The following LYPLAL1 variants were observed in gnomAD, a reference collection of about 807,000 sequenced individuals.
LYPLAL1 encodes the protein lysophospholipase like 1, also known as lysophospholipase-like protein 1.
In LYPLAL1, 23 loss-of-function variants were observed where a neutral mutation model predicts 19.7. The observed-to-expected ratio is 1.17, with a 90% CI of 0.84 to 1.65. LYPLAL1 has a LOEUF of 1.65. LYPLAL1 is among the 40% of genes most tolerant of loss of function. The probability of loss-of-function intolerance (pLI) is 0.00; values close to 1 mark genes in which losing one functional copy is unlikely to be tolerated. For missense variants in LYPLAL1, 355 were observed against 279.4 expected (o/e 1.27, Z -1.93); for synonymous variants, 119 against 96.3 (o/e 1.24, Z -1.38).
At chr1:219,435,234 T>C in the LYPLAL1 span, 38,775 of 152,074 alleles carry the variant, frequency 0.25, 5,098 homozygotes, top group Non-Finnish European at 0.28. Context: ...TAAAGAGATT[T>C]AAAAACTAAG....
At chr1:219,314,028 T>C in the LYPLAL1 span, among the ~76,000 whole-genome samples, 1 of 152,252 alleles carries the variant, frequency 6.6e-6, no homozygotes, top group Admixed American at 6.5e-5. Flanking sequence ...CTTCTTTGTG[T>C]CCATATGCAC....
At chr1:219,419,282 A>G in the LYPLAL1 span, among the ~76,000 whole-genome samples, 5 of 152,178 alleles carry the variant, frequency 3.3e-5, no homozygotes. Flanking sequence ...CAGAAAGTTC[A>G]GTTGGTCCTC....
chr1:219,430,193 C>A, the LYPLAL1 span, among the ~76,000 whole-genome samples: 2 of 147,192 alleles, frequency 1.4e-5, no homozygotes, highest in Non-Finnish European at 1.5e-5. Context: ...ACTCCAGAGG[C>A]TGAGGTGGGA....
chr1:219,239,319 G>T, the LYPLAL1 span, among the ~76,000 whole-genome samples: 1 of 152,206 alleles, frequency 6.6e-6, no homozygotes, highest in Non-Finnish European at 1.5e-5. Flanking sequence ...CTAGCCCTTA[G>T]TGCATTTCCA....
At chr1:219,238,782 A>T in the LYPLAL1 span, among the ~76,000 whole-genome samples, 1 of 152,164 alleles carries the variant, frequency 6.6e-6, no homozygotes, top group African/African-American at 2.4e-5. Context: ...CAACTTATTT[A>T]AAATTGTCAT....
chr1:219,229,955 T>TA, the LYPLAL1 span, among the ~76,000 whole-genome samples: 1 of 152,230 alleles, frequency 6.6e-6, no homozygotes, highest in Admixed American at 6.5e-5. Context: ...GGGTGAGACT[T>TA]ACATTTATCT....
the LYPLAL1 span, among the ~76,000 whole-genome samples, chr1:219,397,607 T>C: frequency 6.6e-6 from 1 of 152,218 alleles, no homozygotes; most frequent in Non-Finnish European, 1.5e-5. Flanking sequence ...TGATGTTAAC[T>C]GGTTATTATG....
the LYPLAL1 span, among the ~76,000 whole-genome samples, chr1:219,323,038 A>G: frequency 2.0e-5 from 3 of 152,208 alleles, no homozygotes; most frequent in Non-Finnish European, 4.4e-5. Flanking sequence ...TGTTTTGTTC[A>G]TTAATTTCTA....
At chr1:219,245,729 G>A in the LYPLAL1 span, among the ~76,000 whole-genome samples, 1 of 152,108 alleles carries the variant, frequency 6.6e-6, no homozygotes, top group African/African-American at 2.4e-5. Flanking sequence ...CTTTATCTCT[G>A]GTAAGCTATA....
chr1:219,185,908 A>G (rs1441490646), intron 2 of LYPLAL1, among the ~76,000 whole-genome samples: 4 of 151,912 alleles, frequency 2.6e-5, no homozygotes, highest in Admixed American at 2.6e-4. Context: ...TTCCCTCATT[A>G]GTTAAAAGAC....
chr1:219,209,240 T>C (rs1402718062), intron 3 of LYPLAL1, among the ~76,000 whole-genome samples: 1 of 152,116 alleles, frequency 6.6e-6, no homozygotes, highest in Non-Finnish European at 1.5e-5. Flanking sequence ...ATTATTTACA[T>C]AGTGTGCCTT....
chr1:219,300,530 C>CTTTT, the LYPLAL1 span, among the ~76,000 whole-genome samples: 230 of 81,976 alleles, frequency 2.8e-3, 2 homozygotes, highest in East Asian at 4.2e-3. Context: ...TTTATCCTAA[C>CTTTT]TTTTTTTTTT....
the LYPLAL1 span, among the ~76,000 whole-genome samples, chr1:219,439,501 C>T: frequency 6.6e-6 from 1 of 152,156 alleles, no homozygotes; most frequent in East Asian, 1.9e-4. Context: ...ACTTCCAAAG[C>T]ACTTGTTTAT....
the LYPLAL1 span, among the ~76,000 whole-genome samples, chr1:219,422,821 A>G: frequency 6.6e-6 from 1 of 152,180 alleles, no homozygotes; most frequent in African/African-American, 2.4e-5. Flanking sequence ...TTCTTAGGAT[A>G]TGGAGTTACA....
At chr1:219,179,335 T>A (rs1656074923) in intron 2 of LYPLAL1, 89 bp downstream of exon 2, 4 of 902,900 alleles carry the variant, frequency 4.4e-6, no homozygotes, top group East Asian at 5.4e-5. Context: ...TCTTTAAGCT[T>A]AATTTTGTAT....
the LYPLAL1 span, among the ~76,000 whole-genome samples, chr1:219,346,264 A>G: frequency 6.6e-6 from 1 of 152,256 alleles, no homozygotes; most frequent in South Asian, 2.1e-4. Context: ...GAAAACAGGA[A>G]TTAGAAAGGG....
At chr1:219,282,610 C>A in the LYPLAL1 span, among the ~76,000 whole-genome samples, 1 of 151,530 alleles carries the variant, frequency 6.6e-6, no homozygotes, top group Non-Finnish European at 1.5e-5. Flanking sequence ...ATAACACAGT[C>A]AAATACAAAA....
At chr1:219,196,885 A>G (rs987411162) in intron 3 of LYPLAL1, among the ~76,000 whole-genome samples, 3 of 152,136 alleles carry the variant, frequency 2.0e-5, no homozygotes, top group African/African-American at 7.2e-5. Context: ...ATCATGAATG[A>G]ACTCCCATGC....
intron 1 of LYPLAL1, among the ~76,000 whole-genome samples, chr1:219,176,810 C>T (rs1275954810): frequency 6.6e-6 from 1 of 152,186 alleles, no homozygotes; most frequent in African/African-American, 2.4e-5. Context: ...GTTCATCTAA[C>T]TGCCTGATAG....
Sources: gnomAD v4.1 joint callset for allele counts (sites outside exome capture counted in the v4.1 genomes callset) on GRCh38, gnomAD v4.1.1 for gene constraint, MANE v1.5 for transcripts, NCBI Gene and HGNC (gene_info 2026-07-23, HGNC 2026-07-21) for gene names.